Variants in YJU2 observed in about 807,000 individuals in gnomAD.
The protein encoded by YJU2 is YJU2 splicing factor homolog.
YJU2 carries 28 observed loss-of-function variants against 39.6 expected under a neutral mutation model. That is an observed-to-expected ratio of 0.71 (90% CI 0.52 to 0.97). The LOEUF is 0.97. YJU2 is among the 50% of genes least tolerant of loss of function. The pLI, the probability that YJU2 is intolerant of heterozygous loss-of-function variation, is 0.00. For missense variants in YJU2, 328 were observed against 430.4 expected (o/e 0.76, Z 2.11); for synonymous variants, 184 against 182.4 (o/e 1.01, Z -0.07).
At chr19:4,264,153 T>C (rs1971096154) in intron 6 of YJU2, among the ~76,000 whole-genome samples, 1 of 145,474 alleles carries the variant, frequency 6.9e-6, no homozygotes, top group Admixed American at 7.1e-5. Context: ...TCCCAGCTAC[T>C]CAGGAGGCTG....
chr19:4,254,471 G>T lies in YJU2; in HGVS notation c.387G>T (p.Glu129Asp). 1 of 1,604,808 alleles carries T rather than the reference G, an allele frequency of 6.2e-7. No homozygotes were observed. Among genetic ancestry groups the T allele is most frequent in the Non-Finnish European group, 8.5e-7 (1 of 1,175,150 alleles). ...KRVQKEREDE[E>D]LNNPMKVLEN... ...TGCAGAAGGAGCGGGAGGACGAGGA[G>T]CTGAACAACCCCATGAAGGTGAGTC... The change falls in exon 4 of 8, where the codon GAG becomes GAT. Residue 129 changes from glutamate to aspartate, a missense_variant. By Grantham distance (45) the Glu-to-Asp change is conservative. Coordinates refer to ENST00000262962, the MANE Select transcript of YJU2 (RefSeq NM_018074.6).
Position 4,268,797 on chromosome 19 carries a change from C to T in YJU2, c.*101C>T. 1 of 836,416 alleles carries T rather than the reference C, an allele frequency of 1.2e-6. No homozygotes were observed. The allele number at this position is 836,416 out of a possible 1,614,324, so 51.8% of individuals were successfully genotyped here. On this transcript the variant is annotated 3_prime_UTR_variant, in exon 8 of 8. Coordinates refer to ENST00000262962, the MANE Select transcript of YJU2 (RefSeq NM_018074.6). ...GTCAGGGCAGGAGGCCTTGGCGTGA[C>T]TGGAGGCCGGACAGACAAGCGCCAG...
intron 7 of YJU2, 84 bp from the exon 8 acceptor site, chr19:4,268,500 C>A: frequency 1.1e-6 from 1 of 930,906 alleles, no homozygotes; most frequent in Non-Finnish European, 1.7e-6. Context: ...ACCTTGCAAA[C>A]CTGCAGAGGT....
intron 7 of YJU2, 124 bp downstream of exon 7, chr19:4,267,898 A>G: frequency 2.6e-6 from 2 of 774,318 alleles, no homozygotes; most frequent in Non-Finnish European, 4.1e-6. Flanking sequence ...CCCCCACAGG[A>G]CCAATTAGTG....
In YJU2 at chr19:4,261,998, C is replaced by T; in HGVS notation, c.592C>T (p.Leu198=). The T allele has an allele frequency of 6.2e-7, 1 of 1,613,312 alleles. No homozygotes were observed. The highest frequency in any genetic ancestry group is 8.5e-7 in the Non-Finnish European group (1 of 1,179,876). Residue 198 remains leucine (L), a synonymous_variant, in exon 6 of 8, where the codon CTG becomes TTG. Transcript: ENST00000262962. ...QEEDEQETAA[L]LEEARKRRLL... ...TTCCCATCTTCCATCCCACAGGGCC[C>T]TGTTGGAGGAAGCCAGAAAGCGAAG... is the stretch of plus-strand genomic sequence containing the variant.
At chr19:4,257,206 G>A (rs979012158) in intron 4 of YJU2, among the ~76,000 whole-genome samples, 4 of 152,140 alleles carry the variant, frequency 2.6e-5, no homozygotes, top group African/African-American at 9.7e-5. Flanking sequence ...AATGGGGGTT[G>A]TGAGGATTAA....
intron 4 of YJU2, 51 bp from the exon 5 acceptor site, chr19:4,258,191 C>T (rs1270169622): frequency 6.5e-7 from 1 of 1,536,432 alleles, no homozygotes; most frequent in Non-Finnish European, 8.8e-7. Context: ...ACAGGGTTTG[C>T]CCCGTGGTGC....
chr19:4,248,444 G>T (rs1970949114), intron 1 of YJU2, among the ~76,000 whole-genome samples: 1 of 152,188 alleles, frequency 6.6e-6, no homozygotes, highest in Non-Finnish European at 1.5e-5. Context: ...AGCCCTGCAG[G>T]TTTCAGCTCC....
At chr19:4,247,528 C>A (rs990877951) in intron 1 of YJU2, among the ~76,000 whole-genome samples, 1 of 144,178 alleles carries the variant, frequency 6.9e-6, no homozygotes, top group East Asian at 2.1e-4. Flanking sequence ...AGCCCCGCCC[C>A]ACTTGGGGAC....
chr19:4,251,926 G>A (rs917524226), intron 3 of YJU2, among the ~76,000 whole-genome samples: 1 of 152,016 alleles, frequency 6.6e-6, no homozygotes, highest in Non-Finnish European at 1.5e-5. Flanking sequence ...GGGAGAGGTT[G>A]CAGTGAGCCA....
intron 5 of YJU2, 125 bp from the exon 6 acceptor site, chr19:4,261,865 TCCCA>T: frequency 1.4e-6 from 1 of 702,850 alleles, no homozygotes; most frequent in Non-Finnish European, 2.3e-6. Context: ...CCCTACTCCC[TCCCA>T]CCCCTGCTCA....
chr19:4,266,494 G>A (rs901660529), intron 6 of YJU2, among the ~76,000 whole-genome samples: 20 of 151,952 alleles, frequency 1.3e-4, no homozygotes, highest in African/African-American at 4.8e-4. Flanking sequence ...AATGCAAGAC[G>A]CCCTTCCTCT....
intron 1 of YJU2, among the ~76,000 whole-genome samples, chr19:4,247,564 GGGT>G (rs1970930533): frequency 1.1e-5 from 1 of 90,496 alleles, no homozygotes; most frequent in African/African-American, 9.2e-5. Flanking sequence ...ACTTTGGGTG[GGGT>G]GGGGTGGGGT....
In YJU2 at chr19:4,254,560, C is replaced by G. The variant is rs535785595; in HGVS notation, c.405+71C>G. The G allele has an allele frequency of 2.1e-6, 3 of 1,451,692 alleles. No homozygotes were observed. In the Admixed American group the frequency reaches 8.4e-5, roughly 40 times the overall value. The allele number at this position is 1,451,692 out of a possible 1,614,324, so 89.9% of individuals were successfully genotyped here. A position where few individuals can be genotyped will look rare whatever the true frequency, so the allele number is the denominator to read the frequency against. ...GTGTGTGTGTGTGCCAATGGTTGTGCCCTTCCTGCCTCAGGTCCCCAAGGA... is the reference window on the plus strand; with the variant it reads ...GTGTGTGTGTGTGCCAATGGTTGTGGCCTTCCTGCCTCAGGTCCCCAAGGA... On this transcript the variant is annotated intron_variant, in intron 4 of 7. Transcript: ENST00000262962.
intron 6 of YJU2, 29 bp from the exon 7 acceptor site, chr19:4,267,595 A>T: frequency 5.6e-6 from 9 of 1,605,462 alleles, no homozygotes; most frequent in South Asian, 1.1e-5. Context: ...TCCGGGCCAG[A>T]CCCCCACATG....
chr19:4,266,363 G>A (rs1389893763), intron 6 of YJU2, among the ~76,000 whole-genome samples: 1 of 152,130 alleles, frequency 6.6e-6, no homozygotes, highest in East Asian at 1.9e-4. Context: ...AGCCTGCCCT[G>A]GCACTTCCTG....
chr19:4,258,709 C>T (rs1274551389), intron 5 of YJU2, among the ~76,000 whole-genome samples: 1 of 152,232 alleles, frequency 6.6e-6, no homozygotes, highest in African/African-American at 2.4e-5. Context: ...TGTCGGGGGC[C>T]AGGCCTTCCA....
chr19:4,265,826 T>G (rs955815699), intron 6 of YJU2, among the ~76,000 whole-genome samples: 29 of 152,174 alleles, frequency 1.9e-4, no homozygotes, highest in Admixed American at 9.8e-4. Context: ...CTCGAACTCT[T>G]GACCTCAAGT....
chr19:4,247,580 C>CTTG, intron 1 of YJU2, among the ~76,000 whole-genome samples: 1 of 46,242 alleles, frequency 2.2e-5, no homozygotes. Flanking sequence ...GGTGGGGTGG[C>CTTG]GCGTGTGTGT....
Sources: gnomAD v4.1 joint callset for allele counts (sites outside exome capture counted in the v4.1 genomes callset) on GRCh38, gnomAD v4.1.1 for gene constraint, MANE v1.5 for transcripts, NCBI Gene and HGNC (gene_info 2026-07-23, HGNC 2026-07-21) for gene names.